Variants in DPP6 observed in about 807,000 individuals in gnomAD.
DPP6 encodes dipeptidyl peptidase like 6.
DPP6 carries 69 observed loss-of-function variants against 122.6 expected under a neutral mutation model. That is an observed-to-expected ratio of 0.56 (90% CI 0.46 to 0.69). The LOEUF is 0.69. Among genes scored for constraint, DPP6 ranks in the 30% least tolerant of loss-of-function variants. The pLI, the probability that DPP6 is intolerant of heterozygous loss-of-function variation, is 0.00. For synonymous variants in DPP6, 418 were observed against 433.1 expected, an observed-to-expected ratio of 0.97 and a Z score of 0.43; for missense variants, 928 against 1,116.9, an observed-to-expected ratio of 0.83 and a Z score of 2.41.
At chr7:154,779,030 A>G (rs1345155617) in intron 10 of DPP6, among the ~76,000 whole-genome samples, 5 of 137,938 alleles carry the variant, frequency 3.6e-5, no homozygotes, top group African/African-American at 5.6e-5. Context: ...CATCACCTCC[A>G]CCACCACCAC....
At chr7:154,867,972 T>G in intron 17 of DPP6, 23 bp from the exon 18 acceptor site, 1 of 1,571,154 alleles carries the variant, frequency 6.4e-7, no homozygotes, top group Non-Finnish European at 8.6e-7. Context: ...CATCTCAGTG[T>G]GTCCCTGTTT....
chr7:154,798,141 CAG>C (rs1485939262), intron 12 of DPP6, among the ~76,000 whole-genome samples: 5 of 152,224 alleles, frequency 3.3e-5, no homozygotes, highest in African/African-American at 1.2e-4. Flanking sequence ...GGCATTCTCA[CAG>C]GGGGAGCTGG....
intron 7 of DPP6, among the ~76,000 whole-genome samples, chr7:154,691,700 T>A (rs1004234423): frequency 2.6e-5 from 4 of 152,018 alleles, no homozygotes; most frequent in Non-Finnish European, 5.9e-5. Flanking sequence ...ACACCTGTAG[T>A]CCCAGCTACT....
At chr7:154,789,847 C>G (rs1032382877) in intron 10 of DPP6, among the ~76,000 whole-genome samples, 2 of 152,164 alleles carry the variant, frequency 1.3e-5, no homozygotes, top group African/African-American at 4.8e-5. Flanking sequence ...TCAAGATTGC[C>G]CTGTTGGTGG....
intron 1 of DPP6, among the ~76,000 whole-genome samples, chr7:154,239,985 C>G (rs1801476194): frequency 1.0e-5 from 1 of 97,340 alleles, no homozygotes; most frequent in African/African-American, 3.8e-5. Context: ...GAGTAAGATG[C>G]TGTCTTTAAA....
chr7:154,104,808 C>G (rs1481010165), intron 1 of DPP6, among the ~76,000 whole-genome samples: 1 of 152,132 alleles, frequency 6.6e-6, no homozygotes, highest in South Asian at 2.1e-4. Flanking sequence ...TGTGTGCTTA[C>G]GTAACAAACA....
At chr7:154,572,064 T>G (rs1295685466) in intron 5 of DPP6, among the ~76,000 whole-genome samples, 1 of 152,158 alleles carries the variant, frequency 6.6e-6, no homozygotes, top group Non-Finnish European at 1.5e-5. Flanking sequence ...ATGCCATCCT[T>G]AGAGATGGGT....
intron 1 of DPP6, among the ~76,000 whole-genome samples, chr7:154,438,039 G>A (rs553124493): frequency 4.6e-5 from 7 of 152,140 alleles, no homozygotes; most frequent in East Asian, 1.9e-4. Flanking sequence ...AGAATATGCC[G>A]CAGACACAGG....
At chr7:154,222,493 T>G (rs1446269441) in intron 1 of DPP6, among the ~76,000 whole-genome samples, 1 of 148,136 alleles carries the variant, frequency 6.8e-6, no homozygotes, top group Non-Finnish European at 1.5e-5. Context: ...CCATCTCTAC[T>G]AAAAATACAA....
At chr7:154,650,831 A>G (rs1451126854) in intron 6 of DPP6, among the ~76,000 whole-genome samples, 2 of 152,142 alleles carry the variant, frequency 1.3e-5, no homozygotes, top group Admixed American at 6.5e-5. Context: ...TCTACATCCA[A>G]CTGGATGGAT....
chr7:154,726,497 C>T (rs940899845), intron 7 of DPP6, among the ~76,000 whole-genome samples: 2 of 152,166 alleles, frequency 1.3e-5, no homozygotes, highest in Non-Finnish European at 2.9e-5. Context: ...TTAGCCATGG[C>T]TGGAGCTGGT....
chr7:154,181,918 T>G (rs1798109144), intron 1 of DPP6, among the ~76,000 whole-genome samples: 1 of 152,058 alleles, frequency 6.6e-6, no homozygotes, highest in Non-Finnish European at 1.5e-5. Flanking sequence ...CCAGCTAATT[T>G]TTTTATTTTT....
chr7:154,645,051 T>C (rs1306152866), intron 6 of DPP6, among the ~76,000 whole-genome samples: 1 of 150,304 alleles, frequency 6.7e-6, no homozygotes, highest in African/African-American at 2.5e-5. Context: ...TTTGTTTTGT[T>C]TATTTGTTGG....
intron 11 of DPP6, 55 bp from the exon 12 acceptor site, chr7:154,795,790 A>T (rs1798009834): frequency 6.6e-7 from 1 of 1,520,368 alleles, no homozygotes; most frequent in Non-Finnish European, 8.8e-7. Context: ...CATGCAAAAA[A>T]AAAAAAGAAA....
intron 8 of DPP6, among the ~76,000 whole-genome samples, chr7:154,746,752 G>C (rs1312582407): frequency 1.3e-5 from 2 of 152,152 alleles, no homozygotes; most frequent in African/African-American, 2.4e-5. Flanking sequence ...AAGAAGCTGA[G>C]ATTTCCTGCC....
intron 1 of DPP6, among the ~76,000 whole-genome samples, chr7:154,439,920 G>A (rs138472339): frequency 2.0e-5 from 3 of 152,272 alleles, no homozygotes; most frequent in African/African-American, 7.2e-5. Flanking sequence ...AGGCGCATAC[G>A]GAAAGGGTGT....
At chr7:154,418,555 G>A (rs1200328867) in intron 1 of DPP6, among the ~76,000 whole-genome samples, 6 of 152,090 alleles carry the variant, frequency 3.9e-5, no homozygotes, top group Non-Finnish European at 1.5e-5. Context: ...GGGGACGGCT[G>A]GAATAGCTGA....
At chr7:154,237,607 C>G (rs561739439) in intron 1 of DPP6, among the ~76,000 whole-genome samples, 13 of 152,282 alleles carry the variant, frequency 8.5e-5, no homozygotes, top group Admixed American at 4.6e-4. Context: ...TGTCCACTTA[C>G]CAAAGAGTCA....
chr7:154,881,151 C>A, intron 21 of DPP6: 1 of 872,924 alleles, frequency 1.1e-6, no homozygotes, highest in Non-Finnish European at 1.6e-6. Context: ...TTTACATTAT[C>A]TGGAAGGAAA....
Sources: gnomAD v4.1 joint callset for allele counts (sites outside exome capture counted in the v4.1 genomes callset) on GRCh38, gnomAD v4.1.1 for gene constraint, MANE v1.5 for transcripts, NCBI Gene and HGNC (gene_info 2026-07-23, HGNC 2026-07-21) for gene names.